Variants in ARHGAP8 observed in about 807,000 individuals in gnomAD.
ARHGAP8 encodes Rho GTPase activating protein 8, also known as rho GTPase-activating protein 8.
ARHGAP8 carries 62 observed loss-of-function variants against 46.1 expected under a neutral mutation model. That is an observed-to-expected ratio of 1.34 (90% CI 1.10 to 1.66). ARHGAP8 has a LOEUF of 1.66. Ranked by LOEUF, ARHGAP8 falls within the 40% of genes most tolerant of loss-of-function variation. The probability of loss-of-function intolerance (pLI) is 0.00; values close to 1 mark genes in which losing one functional copy is unlikely to be tolerated. For missense variants in ARHGAP8, 923 were observed against 568.4 expected, an observed-to-expected ratio of 1.62 and a Z score of -6.34; for synonymous variants, 375 against 243.1, an observed-to-expected ratio of 1.54 and a Z score of -5.05.
At chr22:44,840,540 G>T (rs1931582413) in intron 7 of ARHGAP8, among the ~76,000 whole-genome samples, 1 of 152,256 alleles carries the variant, frequency 6.6e-6, no homozygotes, top group African/African-American at 2.4e-5. Context: ...TAAACAGAGT[G>T]GTTTATAAAC....
intron 1 of ARHGAP8, among the ~76,000 whole-genome samples, chr22:44,760,704 T>G (rs1925065758): frequency 6.6e-6 from 1 of 152,200 alleles, no homozygotes; most frequent in Admixed American, 6.5e-5. Context: ...GCAAATATAT[T>G]TTTACAGCAA....
intron 4 of ARHGAP8, among the ~76,000 whole-genome samples, chr22:44,813,328 TAC>T (rs1569158123): frequency 6.6e-6 from 1 of 150,462 alleles, no homozygotes; most frequent in African/African-American, 2.5e-5. Context: ...TACACATACA[TAC>T]AGACACCTAC....
chr22:44,783,757 C>T (rs1927017049), intron 1 of ARHGAP8, among the ~76,000 whole-genome samples: 1 of 152,152 alleles, frequency 6.6e-6, no homozygotes, highest in Non-Finnish European at 1.5e-5. Flanking sequence ...GAGGTCAAGG[C>T]GTTGGCGGCC....
At chr22:44,813,152 T>G (rs184598744) in intron 4 of ARHGAP8, among the ~76,000 whole-genome samples, 21 of 152,256 alleles carry the variant, frequency 1.4e-4, no homozygotes, top group African/African-American at 4.6e-4. Context: ...GACCAAGATC[T>G]GGACAAGCGG....
chr22:44,845,668 TC>T, intron 8 of ARHGAP8, among the ~76,000 whole-genome samples: 1 of 152,278 alleles, frequency 6.6e-6, no homozygotes, highest in Non-Finnish European at 1.5e-5. Flanking sequence ...GCAAAGCACT[TC>T]GGGCAGTGCT....
At chr22:44,815,093 T>C (rs763473146) in intron 5 of ARHGAP8, among the ~76,000 whole-genome samples, 13 of 152,230 alleles carry the variant, frequency 8.5e-5, no homozygotes, top group African/African-American at 2.2e-4. Flanking sequence ...ATCTTCACTG[T>C]TGTGGTCTGT....
intron 9 of ARHGAP8, among the ~76,000 whole-genome samples, chr22:44,848,528 C>G (rs534991768): frequency 6.6e-6 from 1 of 152,376 alleles, no homozygotes; most frequent in East Asian, 1.9e-4. Context: ...CACTCGCTCC[C>G]GTCATCAGTT....
intron 1 of ARHGAP8, chr22:44,786,235 T>G (rs561217635): frequency 3.2e-6 from 2 of 633,162 alleles, no homozygotes; most frequent in East Asian, 5.5e-5. Context: ...GTATAATGGG[T>G]GCTCGGCTGA....
intron 3 of ARHGAP8, among the ~76,000 whole-genome samples, chr22:44,805,173 T>C (rs538199235): frequency 2.0e-5 from 3 of 152,340 alleles, no homozygotes; most frequent in African/African-American, 7.2e-5. Flanking sequence ...GAAAGACCTG[T>C]GACCTGTGGG....
At chr22:44,797,306 A>G (rs1928162140) in intron 2 of ARHGAP8, among the ~76,000 whole-genome samples, 1 of 147,484 alleles carries the variant, frequency 6.8e-6, no homozygotes, top group Admixed American at 6.9e-5. Context: ...CAGTAGCCTT[A>G]TAAATCACCC....
In ARHGAP8 at chr22:44,862,353, T is replaced by G. The variant is rs200531866; in HGVS notation, c.1060T>G (p.Ser354Ala). 111 of 1,614,054 alleles carry G rather than the reference T, an allele frequency of 6.9e-5. No homozygotes were observed. The highest frequency in any genetic ancestry group is 2.1e-4 in the South Asian group (19 of 91,066). ...CTTCGGGCTGAATTTGATCTGGCCA[T>G]CCCAGGGGGTCTCCTCCCTGAGTGC... Reference protein sequence around the residue: ...CVFGLNLIWPSQGVSSLSALV... With the variant: ...CVFGLNLIWPAQGVSSLSALV... The change falls in exon 12 of 12, where the codon TCC becomes GCC. Residue 354 changes from serine (S) to alanine (A), a missense_variant. Coordinates refer to ENST00000356099, the MANE Select transcript of ARHGAP8 (RefSeq NM_181335.3).
chr22:44,835,231 C>CTATA (rs71188491), intron 7 of ARHGAP8, among the ~76,000 whole-genome samples: 2,401 of 146,896 alleles, frequency 0.016, 55 homozygotes, highest in African/African-American at 0.056. Context: ...GTTTCTTTTG[C>CTATA]TATATATATA....
At chr22:44,759,982 G>C (rs1303260490) in intron 1 of ARHGAP8, among the ~76,000 whole-genome samples, 1 of 152,200 alleles carries the variant, frequency 6.6e-6, no homozygotes, top group Non-Finnish European at 1.5e-5. Context: ...TGACCCACAG[G>C]AGAGGGGGTG....
intron 10 of ARHGAP8, among the ~76,000 whole-genome samples, chr22:44,854,619 A>G (rs989690545): frequency 2.6e-5 from 4 of 151,984 alleles, no homozygotes; most frequent in African/African-American, 7.3e-5. Context: ...TGGGTAACTC[A>G]GAAGATGCAG....
chr22:44,858,533 CT>C (rs10700242), intron 10 of ARHGAP8, among the ~76,000 whole-genome samples: 22 of 89,780 alleles, frequency 2.5e-4, no homozygotes, highest in Middle Eastern at 9.1e-3. Flanking sequence ...CCATACCCGG[CT>C]TTTTTTTTTT....
chr22:44,754,491 G>A (rs147546958), intron 1 of ARHGAP8, among the ~76,000 whole-genome samples: 11 of 152,006 alleles, frequency 7.2e-5, no homozygotes, highest in African/African-American at 2.2e-4. Flanking sequence ...GAGTAGCTAG[G>A]ATTACAGGCG....
intron 7 of ARHGAP8, among the ~76,000 whole-genome samples, chr22:44,844,204 T>G (rs1358594389): frequency 6.6e-6 from 1 of 152,112 alleles, no homozygotes; most frequent in Non-Finnish European, 1.5e-5. Context: ...ACTCCTGACC[T>G]CGTGGTCTGT....
chr22:44,844,338 A>G (rs2147157470), intron 7 of ARHGAP8, among the ~76,000 whole-genome samples: 1 of 152,348 alleles, frequency 6.6e-6, no homozygotes, highest in South Asian at 2.1e-4. Flanking sequence ...AATAAAGTCA[A>G]GAAAAGAGGA....
chr22:44,780,560 G>T (rs986582980), intron 1 of ARHGAP8, among the ~76,000 whole-genome samples: 2 of 151,392 alleles, frequency 1.3e-5, no homozygotes, highest in Non-Finnish European at 2.9e-5. Context: ...TACTCAGGAG[G>T]CTGAGGCAGG....
Sources: allele counts gnomAD v4.1 joint callset (sites outside exome capture counted in the v4.1 genomes callset), GRCh38; gene constraint gnomAD v4.1.1; transcripts MANE v1.5; gene names NCBI Gene and HGNC (gene_info 2026-07-23, HGNC 2026-07-21).